OSTM1: variants seen among roughly 807,000 people sequenced by gnomAD.
The protein encoded by OSTM1 is osteoclastogenesis associated transmembrane protein 1.
Under a neutral mutation model 35.4 loss-of-function variants are expected in OSTM1, and 26 were observed. The ratio of observed to expected loss-of-function variants is 0.73; its 90% CI spans 0.54 to 1.02. The LOEUF is 1.02. OSTM1 is among the 50% of genes least tolerant of loss of function. The probability of loss-of-function intolerance (pLI) is 0.00; values close to 1 mark genes in which losing one functional copy is unlikely to be tolerated. For missense variants in OSTM1, 366 were observed against 409.6 expected (o/e 0.89, Z 0.92); for synonymous variants, 181 against 165.0 (o/e 1.10, Z -0.75).
intron 5 of OSTM1, among the ~76,000 whole-genome samples, chr6:108,049,033 G>A (rs534214949): frequency 5.9e-5 from 9 of 152,172 alleles, no homozygotes; most frequent in East Asian, 1.9e-4. Flanking sequence ...TTACAGGCAT[G>A]AGCCACTGCA....
rs1772339189 is a variant in OSTM1 at position 108,064,243 on chromosome 6, T to C, written c.459A>G (p.Gln153=). ...ARSLLMADRM[Q]IVVILSEFFN... ...AAAATTCTGAGAGAATCACAACTAT[T>C]TGCATTCTATCTGCCATTAAGAGAC... Residue 153 remains glutamine (Q), a synonymous_variant, in exon 2 of 6, where the codon CAA becomes CAG. Transcript: ENST00000193322. The C allele has an allele frequency of 6.2e-7, 1 of 1,607,324 alleles. No individual in the cohort carries two copies. The highest frequency in any genetic ancestry group is 2.2e-5 in the East Asian group (1 of 44,804).
At chr6:108,053,036 C>T (rs567890912) in intron 3 of OSTM1, among the ~76,000 whole-genome samples, 9 of 152,360 alleles carry the variant, frequency 5.9e-5, no homozygotes, top group African/African-American at 2.2e-4. Context: ...CCTTCCCTCA[C>T]TGGATGTACT....
At chr6:108,073,899 C>A (rs910601444) in intron 1 of OSTM1, 47 of 347,556 alleles carry the variant, frequency 1.4e-4, no homozygotes, top group Admixed American at 9.0e-5. Context: ...AGTGTCTCCA[C>A]CCCACTTGTT....
Position 108,049,416 on chromosome 6 carries a change from C to T in OSTM1, c.786G>A (p.Met262Ile). The change falls in exon 5 of 6, where the codon ATG becomes ATA. Residue 262 changes from methionine (M) to isoleucine (I), a missense_variant and splice_region_variant. Coordinates refer to ENST00000193322, the MANE Select transcript of OSTM1 (RefSeq NM_014028.4). ...GACTCCATAGTTTTCGAGTGATGTTCATCTGGAACAAGAGCAAACAATATC... is the reference window on the plus strand; with the variant it reads ...GACTCCATAGTTTTCGAGTGATGTTTATCTGGAACAAGAGCAAACAATATC... ...THLCIDVEDA[M>I]NITRKLWSRT... is the part of the protein sequence containing the mutation. 6.2e-7 allele frequency: 1 copy of T among 1,613,302 alleles called. No individual in the cohort carries two copies. The highest frequency in any genetic ancestry group is 8.5e-7 in the Non-Finnish European group (1 of 1,179,364).
In OSTM1 at chr6:108,043,762, T is replaced by C. The variant is rs886060967; in HGVS notation, c.*1023A>G. 2 of 152,208 alleles carry C rather than the reference T, an allele frequency of 1.3e-5. No homozygotes were observed. The highest frequency in any genetic ancestry group is 2.9e-5 in the Non-Finnish European group (2 of 68,036). 9.4% of individuals were successfully genotyped at this position (152,208 alleles called of 1,614,324 possible). On this transcript the variant is annotated 3_prime_UTR_variant, in exon 6 of 6. Transcript: ENST00000193322. ...ACAATAAGGATGATCTTAATCTCAC[T>C]ATTTTCTGCATGAGACTATCGTTCC... is the stretch of plus-strand genomic sequence containing the variant.
Position 108,049,172 on chromosome 6 carries a change from G to A in OSTM1, c.949+81C>T, listed in dbSNP as rs758570209. The A allele has an allele frequency of 6.8e-4, 599 of 886,566 alleles. 2 individuals are homozygous for A. Among genetic ancestry groups the A allele is most frequent in the Non-Finnish European group, 5.1e-4 (282 of 551,306 alleles). The allele number at this position is 886,566 out of a possible 1,614,324, so 54.9% of individuals were successfully genotyped here. A position where few individuals can be genotyped will look rare whatever the true frequency, so the allele number is the denominator to read the frequency against. On this transcript the variant is annotated intron_variant, in intron 5 of 5. Transcript: ENST00000193322. ...GGCTAATCTACTTTGAGTTCTCAGA[G>A]TAGCTATCATTTCTAAAACAGGCCT...
At chr6:108,072,668 C>A (rs1266023572) in intron 1 of OSTM1, among the ~76,000 whole-genome samples, 6 of 144,330 alleles carry the variant, frequency 4.2e-5, no homozygotes, top group African/African-American at 1.0e-4. Flanking sequence ...AAAAAAAAAA[C>A]ATGCTCTTTA....
chr6:108,057,344 T>C (rs896567030), intron 2 of OSTM1, among the ~76,000 whole-genome samples: 2 of 152,234 alleles, frequency 1.3e-5, no homozygotes, highest in Non-Finnish European at 2.9e-5. Context: ...TGTACATGTT[T>C]ACAAAAACAA....
rs1772067553 is a variant in OSTM1, at chr6:108,051,191, G to A, written c.623C>T (p.Ala208Val). ...ATTTTTTGTCTGTAAAAGACTATGTGCATTCCCCTAAAATGACAAAGGCAC... is the reference window on the plus strand; with the variant it reads ...ATTTTTTGTCTGTAAAAGACTATGTACATTCCCCTAAAATGACAAAGGCAC... ...TCFEHNLQGN[A>V]HSLLQTKNYS... Residue 208 changes from alanine to valine, a missense_variant, in exon 4 of 6, where the codon GCA becomes GTA. By Grantham distance (64) the Ala-to-Val change is moderately conservative (BLOSUM62 0). This residue lies in a region of OSTM1 where 125 missense variants were observed against 151.7 expected (regional missense o/e 0.82). Coordinates refer to ENST00000193322, the MANE Select transcript of OSTM1 (RefSeq NM_014028.4). The A allele has an allele frequency of 1.2e-6, 2 of 1,609,530 alleles. No individual in the cohort carries two copies. Among genetic ancestry groups the A allele is most frequent in the South Asian group, 2.2e-5 (2 of 90,994 alleles).
intron 2 of OSTM1, among the ~76,000 whole-genome samples, chr6:108,062,714 G>C (rs1219831090): frequency 6.6e-6 from 1 of 151,640 alleles, no homozygotes; most frequent in Non-Finnish European, 1.5e-5. Context: ...TTTTTGTTGA[G>C]ACAAAGTTTT....
rs1296371935 is a variant in OSTM1, at chr6:108,041,877, A to G, written c.*2908T>C. 6.6e-6 allele frequency: 1 copy of G among 152,228 alleles called. No homozygotes were observed. Among genetic ancestry groups the G allele is most frequent in the Non-Finnish European group, 1.5e-5 (1 of 68,040 alleles). The allele number at this position is 152,228 out of a possible 1,614,324, so 9.4% of individuals were successfully genotyped here. A position where few individuals can be genotyped will look rare whatever the true frequency, so the allele number is the denominator to read the frequency against. On this transcript the variant is annotated 3_prime_UTR_variant, in exon 6 of 6. Coordinates refer to ENST00000193322, the MANE Select transcript of OSTM1 (RefSeq NM_014028.4). ...TGGCCTCTAAGGTTTCTTCTAGCTCAGAAAATAGAGGTACTTGGAACATAA... is the reference window on the plus strand; with the variant it reads ...TGGCCTCTAAGGTTTCTTCTAGCTCGGAAAATAGAGGTACTTGGAACATAA...
At chr6:108,073,947 TGAG>T in intron 1 of OSTM1, 1 of 448,022 alleles carries the variant, frequency 2.2e-6, no homozygotes, top group Non-Finnish European at 4.0e-6. Context: ...CAGGTGAAGA[TGAG>T]AAGAAGCCGT....
At chr6:108,058,635 G>A (rs1023766670) in intron 2 of OSTM1, among the ~76,000 whole-genome samples, 4 of 152,088 alleles carry the variant, frequency 2.6e-5, no homozygotes, top group East Asian at 1.9e-4. Context: ...AAAGTTAGCC[G>A]GGCGTGGTGG....
At position 108,042,490 on chromosome 6, in the gene OSTM1, A is replaced by G. The variant is rs1324326313; in HGVS notation, c.*2295T>C. On this transcript the variant is annotated 3_prime_UTR_variant, in exon 6 of 6. Coordinates refer to ENST00000193322, the MANE Select transcript of OSTM1 (RefSeq NM_014028.4). Reference sequence around the variant, plus strand: ...GAATGCAGTGGTACAATCTTGGCTCATTGCAACCTCCACCTCCCGGGCTCA... The same window carrying G: ...GAATGCAGTGGTACAATCTTGGCTCGTTGCAACCTCCACCTCCCGGGCTCA... 1.4e-5 allele frequency: 2 copies of G among 144,570 alleles called. No individual in the cohort carries two copies. Among genetic ancestry groups the G allele is most frequent in the African/African-American group, 2.6e-5 (1 of 38,526 alleles). The allele number at this position is 144,570 out of a possible 1,614,324, so 9.0% of individuals were successfully genotyped here. A position where few individuals can be genotyped will look rare whatever the true frequency, so the allele number is the denominator to read the frequency against.
chr6:108,065,639 T>A (rs9374015), intron 1 of OSTM1, among the ~76,000 whole-genome samples: 35,217 of 152,026 alleles, frequency 0.23, 4,172 homozygotes, highest in Admixed American at 0.26. Flanking sequence ...TAAGGTTCAG[T>A]TTCAAAATCA....
intron 1 of OSTM1, among the ~76,000 whole-genome samples, chr6:108,071,374 T>C (rs1220829465): frequency 6.6e-6 from 1 of 151,484 alleles, no homozygotes; most frequent in Non-Finnish European, 1.5e-5. Context: ...GGCACTATCT[T>C]GGCTCACTGC....
intron 2 of OSTM1, among the ~76,000 whole-genome samples, chr6:108,062,912 G>A (rs1225566649): frequency 1.3e-5 from 2 of 151,788 alleles, no homozygotes; most frequent in East Asian, 1.9e-4. Flanking sequence ...GTCAGTCAAG[G>A]TCCTACTTTC....
intron 1 of OSTM1, among the ~76,000 whole-genome samples, chr6:108,069,024 C>T (rs1031044456): frequency 1.3e-5 from 2 of 152,150 alleles, no homozygotes. Context: ...CCCTCCCCTG[C>T]CTGTGTTCTC....
At chr6:108,052,278 C>CA (rs1224800272) in intron 3 of OSTM1, among the ~76,000 whole-genome samples, 8 of 151,990 alleles carry the variant, frequency 5.3e-5, no homozygotes, top group Non-Finnish European at 1.5e-5. Flanking sequence ...ACTAAAAATA[C>CA]AAAACTTAGC....
Sources: gnomAD v4.1 joint callset for allele counts (sites outside exome capture counted in the v4.1 genomes callset) on GRCh38, gnomAD v4.1.1 for gene constraint, gnomAD v4.1.1 regional missense constraint, MANE v1.5 for transcripts, NCBI Gene and HGNC (gene_info 2026-07-23, HGNC 2026-07-21) for gene names.